The following DLC1 variants were observed in gnomAD, a reference collection of about 807,000 sequenced individuals.
DLC1 encodes the protein rho GTPase-activating protein 7.
A neutral mutation model predicts 140.3 loss-of-function variants in DLC1; 54 were observed. The observed-to-expected ratio is 0.38, with a 90% CI of 0.31 to 0.48. The LOEUF is 0.48. Ranked by LOEUF, DLC1 falls within the 20% of genes least tolerant of loss-of-function variation. The pLI is 0.96. For synonymous variants in DLC1, 986 were observed against 728.1 expected, an observed-to-expected ratio of 1.35 and a Z score of -5.70; for missense variants, 2,536 against 1,907.0, an observed-to-expected ratio of 1.33 and a Z score of -6.14.
intron 4 of DLC1, among the ~76,000 whole-genome samples, chr8:13,334,223 G>T (rs774948557): frequency 6.6e-6 from 1 of 151,972 alleles, no homozygotes; most frequent in Non-Finnish European, 1.5e-5. Flanking sequence ...GAGAGAAGCA[G>T]GGGGGAGTTG....
chr8:13,579,269 TGCAC>T (rs1585296438), intron 1 of DLC1, among the ~76,000 whole-genome samples: 61 of 89,264 alleles, frequency 6.8e-4, no homozygotes, highest in South Asian at 1.1e-3. Context: ...TATATATATA[TGCAC>T]ATATCTACCT....
intron 5 of DLC1, among the ~76,000 whole-genome samples, chr8:13,293,235 CAAT>C (rs1297458636): frequency 6.6e-6 from 1 of 151,926 alleles, no homozygotes; most frequent in East Asian, 1.9e-4. Flanking sequence ...GTCTCTAAAA[CAAT>C]AAATTAATTA....
chr8:13,298,034 G>T (rs964150154), intron 5 of DLC1, among the ~76,000 whole-genome samples: 1 of 151,974 alleles, frequency 6.6e-6, no homozygotes, highest in African/African-American at 2.4e-5. Flanking sequence ...TTTCCCTTAC[G>T]CATTTGTCAC....
intron 15 of DLC1, 116 bp from the exon 16 acceptor site, chr8:13,088,820 A>G (rs1250809760): frequency 1.3e-6 from 1 of 760,602 alleles, no homozygotes; most frequent in East Asian, 2.7e-5. Flanking sequence ...TTAATTGATT[A>G]AATGATATAA....
chr8:13,425,765 T>C (rs1480129642), intron 2 of DLC1, among the ~76,000 whole-genome samples: 2 of 152,202 alleles, frequency 1.3e-5, no homozygotes, highest in Non-Finnish European at 2.9e-5. Flanking sequence ...TATTTTTCTG[T>C]TTTTAAAATG....
chr8:13,324,337 GGC>G, intron 4 of DLC1, among the ~76,000 whole-genome samples: 1 of 152,288 alleles, frequency 6.6e-6, no homozygotes, highest in East Asian at 1.9e-4. Context: ...GGGAGGCCGA[GGC>G]GGATGGATCA....
chr8:13,361,570 T>C (rs1422197652), intron 4 of DLC1, among the ~76,000 whole-genome samples: 2 of 152,074 alleles, frequency 1.3e-5, no homozygotes, highest in Non-Finnish European at 2.9e-5. Flanking sequence ...CCTGCTCCAG[T>C]GTAGGTATTT....
intron 5 of DLC1, among the ~76,000 whole-genome samples, chr8:13,303,721 G>C (rs1248122629): frequency 6.6e-6 from 1 of 152,122 alleles, no homozygotes; most frequent in African/African-American, 2.4e-5. Context: ...AGAATGGCTT[G>C]AATCTGGGAG....
chr8:13,459,742 C>T (rs1799573840), intron 2 of DLC1, among the ~76,000 whole-genome samples: 1 of 152,112 alleles, frequency 6.6e-6, no homozygotes, highest in Non-Finnish European at 1.5e-5. Flanking sequence ...ATAGTGACCC[C>T]TTTGATTTTT....
chr8:13,382,144 T>C (rs1192645350), intron 4 of DLC1, among the ~76,000 whole-genome samples: 2 of 152,090 alleles, frequency 1.3e-5, no homozygotes, highest in African/African-American at 2.4e-5. Context: ...CTAAAGAATA[T>C]AATGATCTAG....
intron 5 of DLC1, among the ~76,000 whole-genome samples, chr8:13,228,079 C>G (rs1263441141): frequency 6.6e-6 from 1 of 151,968 alleles, no homozygotes; most frequent in African/African-American, 2.4e-5. Context: ...ATCAGGGTAT[C>G]CTGTAAACTG....
intron 2 of DLC1, among the ~76,000 whole-genome samples, chr8:13,461,426 C>T (rs1192493758): frequency 6.6e-6 from 1 of 152,174 alleles, no homozygotes; most frequent in African/African-American, 2.4e-5. Context: ...GTATTTGCCT[C>T]TCCCTGCCTG....
intron 5 of DLC1, among the ~76,000 whole-genome samples, chr8:13,137,812 G>T (rs1223646078): frequency 6.6e-6 from 1 of 151,688 alleles, no homozygotes; most frequent in Non-Finnish European, 1.5e-5. Flanking sequence ...TGGCCAGACT[G>T]GTCTCGAACT....
intron 2 of DLC1, among the ~76,000 whole-genome samples, chr8:13,466,532 G>A (rs1057157523): frequency 6.6e-6 from 1 of 152,144 alleles, no homozygotes; most frequent in African/African-American, 2.4e-5. Context: ...TCCTGTGGGA[G>A]AGATACCTGG....
chr8:13,188,841 ATATTTTT>A (rs1826568074), intron 5 of DLC1, among the ~76,000 whole-genome samples: 1 of 26,690 alleles, frequency 3.7e-5, no homozygotes, highest in Admixed American at 5.7e-4. Context: ...ATATATATAT[ATATTTTT>A]TTTTTTTTTT....
At chr8:13,341,482 C>T (rs997473455) in intron 4 of DLC1, 12 of 152,152 alleles carry the variant, frequency 7.9e-5, no homozygotes, top group African/African-American at 2.9e-4. Flanking sequence ...GGGGCAGGGC[C>T]TGGGAATTTT....
At chr8:13,135,903 G>T (rs1044589326) in intron 5 of DLC1, among the ~76,000 whole-genome samples, 1 of 152,080 alleles carries the variant, frequency 6.6e-6, no homozygotes, top group African/African-American at 2.4e-5. Flanking sequence ...TATGTAGTTT[G>T]CTCATTGTAT....
chr8:13,190,138 G>A (rs1045308158), intron 5 of DLC1, among the ~76,000 whole-genome samples: 1 of 152,192 alleles, frequency 6.6e-6, no homozygotes, highest in African/African-American at 2.4e-5. Flanking sequence ...GGTAAACGAT[G>A]TAAAGACTAA....
chr8:13,338,698 C>T (rs1476117529), intron 4 of DLC1: 2 of 152,176 alleles, frequency 1.3e-5, no homozygotes, highest in Non-Finnish European at 2.9e-5. Flanking sequence ...GCCAGATGGT[C>T]TTGAAGGGCT....
Sources: allele counts gnomAD v4.1 joint callset (sites outside exome capture counted in the v4.1 genomes callset), GRCh38; gene constraint gnomAD v4.1.1; transcripts MANE v1.5; gene names NCBI Gene and HGNC (gene_info 2026-07-23, HGNC 2026-07-21).